The following ABCA3 variants were observed in gnomAD, a reference collection of about 807,000 sequenced individuals.
The protein encoded by ABCA3 is ATP binding cassette subfamily A member 3.
A neutral mutation model predicts 172.8 loss-of-function variants in ABCA3; 88 were observed. The observed-to-expected ratio is 0.51, with a 90% confidence interval of 0.43 to 0.61. The LOEUF (loss-of-function observed/expected upper bound fraction) is 0.61, where lower values mean the gene tolerates loss of function less well. ABCA3 is among the 20% of genes least tolerant of loss of function. The pLI is 0.00. For missense variants in ABCA3, 2,164 were observed against 2,301.0 expected (o/e 0.94, Z 1.22); for synonymous variants, 1,066 against 983.8 (o/e 1.08, Z -1.56).
rs780572126 is a variant in ABCA3 at position 2,278,400 on chromosome 16, T to C, written c.4606A>G (p.Ile1536Val). 3 of 1,612,800 alleles carry C rather than the reference T, an allele frequency of 1.9e-6. No individual in the cohort carries two copies. Among genetic ancestry groups the C allele is most frequent in the East Asian group, 2.2e-5 (1 of 44,856 alleles). ...GIALIGEPAV[I>V]FLDEPSTGMD... ...CCAGTGGACGGCTCGTCCAGGAAGA[T>C]GACAGCAGGCTCTCCGATCAGGGCG... is the stretch of plus-strand genomic sequence containing the variant. The change falls in exon 30 of 33, where the codon ATC becomes GTC. Residue 1536 changes from isoleucine to valine, a missense_variant. Around this residue, in one of 3 missense-constraint regions of ABCA3, gnomAD observed 795 missense variants for 881.9 expected, o/e 0.90. Coordinates refer to ENST00000301732, the MANE Select transcript of ABCA3 (RefSeq NM_001089.3). The surrounding 1 kb of genome is among the most constrained non-coding windows in gnomAD (Gnocchi z 4.4).
intron 11 of ABCA3, 146 bp downstream of exon 11, chr16:2,308,304 G>A (rs375944597): frequency 4.7e-5 from 46 of 970,614 alleles, no homozygotes; most frequent in African/African-American, 2.9e-4. Context: ...CACACTCAGC[G>A]CTGTATGCGG....
At chr16:2,303,472 T>G (rs556877085) in intron 12 of ABCA3, among the ~76,000 whole-genome samples, 8 of 151,550 alleles carry the variant, frequency 5.3e-5, no homozygotes, top group East Asian at 3.9e-4. Flanking sequence ...GGATTTCACC[T>G]TGTTAGCCAG....
At position 2,286,577 on chromosome 16, in the gene ABCA3, AC is replaced by A; in HGVS notation, c.3278+116del. 1 of 1,386,708 alleles carries A rather than the reference AC, an allele frequency of 7.2e-7. No individual in the cohort carries two copies. Among genetic ancestry groups the A allele is most frequent in the East Asian group, 2.5e-5 (1 of 40,140 alleles). The allele number at this position is 1,386,708 out of a possible 1,614,324, so 85.9% of individuals were successfully genotyped here. A position where few individuals can be genotyped will look rare whatever the true frequency, so the allele number is the denominator to read the frequency against. On this transcript the variant is annotated intron_variant, in intron 22 of 32. Coordinates refer to ENST00000301732, the MANE Select transcript of ABCA3 (RefSeq NM_001089.3). This position sits in a 1 kb window ranked among gnomAD's most constrained non-coding sequence, Gnocchi z 5.2. Reference sequence around the variant, plus strand: ...GGATGTGGCAGGGGTTTCCCACCAGACCCAGGGGCTTTGGGAGGGCAGACAC... The same window carrying A: ...GGATGTGGCAGGGGTTTCCCACCAGACCAGGGGCTTTGGGAGGGCAGACAC...
chr16:2,339,914 G>C (rs1245922898), intron 1 of ABCA3, among the ~76,000 whole-genome samples: 1 of 152,272 alleles, frequency 6.6e-6, no homozygotes, highest in African/African-American at 2.4e-5. Flanking sequence ...CGTCCTGACC[G>C]AGGGCGCCGA....
intron 12 of ABCA3, among the ~76,000 whole-genome samples, chr16:2,300,853 A>G (rs1034753771): frequency 3.9e-5 from 6 of 152,344 alleles, no homozygotes; most frequent in African/African-American, 1.4e-4. Flanking sequence ...GTGCACTTCC[A>G]GCACCTGGAA....
chr16:2,301,046 CG>C (rs1567344514), intron 12 of ABCA3, among the ~76,000 whole-genome samples: 3 of 149,842 alleles, frequency 2.0e-5, no homozygotes, highest in African/African-American at 7.5e-5. Context: ...CTGGCTAACA[CG>C]GTGAAACCCC....
rs1400104955 is a variant in ABCA3 at position 2,298,032 on chromosome 16, G to A, written c.1897-111C>T. 3.6e-6 allele frequency: 3 copies of A among 837,600 alleles called. 1 individual carries two copies. In the African/African-American group the frequency reaches 4.7e-5, roughly 13 times the overall value. The allele number at this position is 837,600 out of a possible 1,614,324, so 51.9% of individuals were successfully genotyped here. Reference sequence around the variant, plus strand: ...TCCTTGACGTAGCTGGGGAGATGCAGGGCTCCTGGCGGGAGGCCGACCACG... The same window carrying A: ...TCCTTGACGTAGCTGGGGAGATGCAAGGCTCCTGGCGGGAGGCCGACCACG... On this transcript the variant is annotated intron_variant, in intron 15 of 32. Transcript: ENST00000301732.
intron 1 of ABCA3, among the ~76,000 whole-genome samples, chr16:2,335,225 T>C (rs188888997): frequency 6.6e-6 from 1 of 152,156 alleles, no homozygotes; most frequent in Non-Finnish European, 1.5e-5. Context: ...CTAGACAACC[T>C]GCAGCAGTGA....
intron 12 of ABCA3, among the ~76,000 whole-genome samples, chr16:2,300,665 G>A (rs1046685499): frequency 1.3e-5 from 2 of 152,206 alleles, no homozygotes; most frequent in African/African-American, 2.4e-5. Flanking sequence ...AGTGCATGGG[G>A]TAAGAACACA....
Position 2,288,282 on chromosome 16 carries a change from G to A in ABCA3, c.2748C>T (p.Ala916=), listed in dbSNP as rs768240890. ...TTTTCCACTCGCGCCAGCTGTATGCGGCCTTCTTCAGGAACATGGCCCAGA... is the reference window on the plus strand; with the variant it reads ...TTTTCCACTCGCGCCAGCTGTATGCAGCCTTCTTCAGGAACATGGCCCAGA... ...QQFWAMFLKK[A]AYSWREWKMV... is the part of the protein sequence containing the mutation. Residue 916 remains alanine (A), a synonymous_variant, in exon 21 of 33, where the codon GCC becomes GCT. Coordinates refer to ENST00000301732, the MANE Select transcript of ABCA3 (RefSeq NM_001089.3). The A allele has an allele frequency of 1.4e-5, 22 of 1,580,640 alleles. No homozygotes were observed. In the Admixed American group the frequency reaches 2.2e-4, roughly 16 times the overall value.
At chr16:2,301,648 TGCAGTGAGCTGA>T (rs2093689638) in intron 12 of ABCA3, among the ~76,000 whole-genome samples, 1 of 150,110 alleles carries the variant, frequency 6.7e-6, no homozygotes, top group Admixed American at 6.7e-5. Context: ...AGGTGAAGGG[TGCAGTGAGCTGA>T]GATCGCGCCA....
In ABCA3 at chr16:2,340,641, C is replaced by T. The variant is rs1310305635; in HGVS notation, c.-607G>A. 4.0e-5 allele frequency: 6 copies of T among 149,816 alleles called. No homozygotes were observed. The highest frequency in any genetic ancestry group is 1.5e-5 in the Non-Finnish European group (1 of 67,074). The allele number at this position is 149,816 out of a possible 1,614,324, so 9.3% of individuals were successfully genotyped here. A position where few individuals can be genotyped will look rare whatever the true frequency, so the allele number is the denominator to read the frequency against. On this transcript the variant is annotated 5_prime_UTR_variant, in exon 1 of 33. Transcript: ENST00000301732. ...TCGCGGGGTCCCCTCCCTCGGCCAC[C>T]CGGGCTCCGCTCCAGCCTCGCAGTG...
At position 2,317,335 on chromosome 16, in the gene ABCA3, G is replaced by A. The variant is rs13332514; in HGVS notation, c.1059C>T (p.Phe353=). The A allele has an allele frequency of 0.12, 195,277 of 1,613,880 alleles. 16,490 individuals carry two copies. The highest frequency in any genetic ancestry group is 0.39 in the East Asian group (17,472 of 44,840). The change falls in exon 10 of 33, where the codon TTC becomes TTT. Residue 353 remains phenylalanine (F), a synonymous_variant. Transcript: ENST00000301732. ...PSLVLAFLLC[F]AISTISFSFM... ...AGCTGAAGGAGATGGTAGAGATGGC[G>A]AAGCACAGCAGGAAGGCGAGCACCA...
intron 18 of ABCA3, 28 bp downstream of exon 18, chr16:2,295,562 C>T (rs759253072): frequency 6.2e-7 from 1 of 1,608,548 alleles, no homozygotes; most frequent in Non-Finnish European, 8.5e-7. Context: ...GGATGTATAC[C>T]TGTGCGTGCC....
In ABCA3 at chr16:2,278,620, G is replaced by A. The variant is rs533086892; in HGVS notation, c.4548-162C>T. ...TGTGTGTGCACCTGGAAAGCCCACC[G>A]CATAGGGCTGGAGGCCCCAGAGAAG... On this transcript the variant is annotated intron_variant, in intron 29 of 32. Transcript: ENST00000301732. This position sits in a 1 kb window ranked among gnomAD's most constrained non-coding sequence, Gnocchi z 4.4. 6.6e-6 allele frequency among the ~76,000 whole-genome samples: 1 copy of A among 152,346 alleles called. No homozygotes were observed. Among genetic ancestry groups the A allele is most frequent in the East Asian group, 1.9e-4 (1 of 5,188 alleles).
At chr16:2,276,841 C>A (rs1848023755) in intron 32 of ABCA3, 36 bp from the exon 33 acceptor site, 2 of 1,612,486 alleles carry the variant, frequency 1.2e-6, no homozygotes, top group Non-Finnish European at 1.7e-6. Flanking sequence ...TAGGAGAGAA[C>A]AGGGCCCAGG....
rs541406659 is a variant in ABCA3, at chr16:2,307,708, C to T, written c.1285+742G>A. Reference sequence around the variant, plus strand: ...GCAAGCTCCGCCTCCTGGGTTCACGCCATTCTCCTGCCTCAGCCTCTCGAG... The same window carrying T: ...GCAAGCTCCGCCTCCTGGGTTCACGTCATTCTCCTGCCTCAGCCTCTCGAG... On this transcript the variant is annotated intron_variant, in intron 11 of 32. Coordinates refer to ENST00000301732, the MANE Select transcript of ABCA3 (RefSeq NM_001089.3). Among the ~76,000 whole-genome samples the T allele has an allele frequency of 1.2e-4, 18 of 152,272 alleles. No individual in the cohort carries two copies. The South Asian group carries it at 3.7e-3, about 32-fold the overall frequency.
At chr16:2,336,597 A>ATT (rs11284766) in intron 1 of ABCA3, among the ~76,000 whole-genome samples, 85 of 101,312 alleles carry the variant, frequency 8.4e-4, no homozygotes, top group Non-Finnish European at 9.5e-4. Flanking sequence ...CGCCCAGCTA[A>ATT]TTTTTTTTTT....
At chr16:2,307,491 T>G (rs549086874) in intron 11 of ABCA3, among the ~76,000 whole-genome samples, 3 of 151,638 alleles carry the variant, frequency 2.0e-5, no homozygotes, top group African/African-American at 4.8e-5. Context: ...GAGGCAGAGG[T>G]TGAGATGAGC....
Sources: gnomAD v4.1 joint callset for allele counts (sites outside exome capture counted in the v4.1 genomes callset) on GRCh38, gnomAD v4.1.1 for gene constraint, gnomAD v4.1.1 regional missense constraint, Gnocchi (gnomAD v3.1) non-coding constraint, MANE v1.5 for transcripts, NCBI Gene and HGNC (gene_info 2026-07-23, HGNC 2026-07-21) for gene names.